MRPS5: variants seen among roughly 807,000 people sequenced by gnomAD.
MRPS5 encodes mitochondrial ribosomal protein S5.
In MRPS5, 27 loss-of-function variants were observed where a neutral mutation model predicts 51.9. The ratio of observed to expected loss-of-function variants is 0.52; its 90% CI spans 0.38 to 0.72. The LOEUF (loss-of-function observed/expected upper bound fraction) is 0.72, where lower values mean the gene tolerates loss of function less well. MRPS5 is among the 30% of genes least tolerant of loss of function. The pLI, the probability that MRPS5 is intolerant of heterozygous loss-of-function variation, is 0.00. For missense variants in MRPS5, 570 were observed against 545.7 expected, an observed-to-expected ratio of 1.04 and a Z score of -0.44; for synonymous variants, 196 against 193.2, an observed-to-expected ratio of 1.01 and a Z score of -0.12.
chr2:95,105,843 A>T lies in MRPS5; in HGVS notation c.672+580T>A, dbSNP rs558114229. Among the ~76,000 whole-genome samples, 3 of 152,364 alleles carry T rather than the reference A, an allele frequency of 2.0e-5. No individual in the cohort carries two copies. The East Asian group carries it at 5.8e-4, about 29-fold the overall frequency. ...CATACATTCAGAGGCTCAATCACAA[A>T]CTCAATAAATGGTTATTCCACATGG... On this transcript the variant is annotated intron_variant, in intron 6 of 11. Coordinates refer to ENST00000272418, the MANE Select transcript of MRPS5 (RefSeq NM_031902.5).
At chr2:95,097,896 T>C (rs1675675082) in intron 10 of MRPS5, among the ~76,000 whole-genome samples, 1 of 152,074 alleles carries the variant, frequency 6.6e-6, no homozygotes, top group African/African-American at 2.4e-5. Context: ...GAAACTACCA[T>C]CAGAGTGAAC....
intron 6 of MRPS5, 49 bp downstream of exon 6, chr2:95,106,373 AC>A (rs1457921387): frequency 5.9e-6 from 3 of 508,700 alleles, no homozygotes; most frequent in Admixed American, 4.8e-5. Context: ...TGCCCCACCC[AC>A]CCCAACCTCT....
intron 4 of MRPS5, among the ~76,000 whole-genome samples, chr2:95,108,861 ATAATC>A (rs1676032554): frequency 6.6e-6 from 1 of 152,200 alleles, no homozygotes; most frequent in South Asian, 2.1e-4. Flanking sequence ...ACCATGTGAT[ATAATC>A]TAAATTTTTT....
chr2:95,094,410 G>C (rs1308813725), intron 10 of MRPS5, among the ~76,000 whole-genome samples: 1 of 152,130 alleles, frequency 6.6e-6, no homozygotes, highest in Non-Finnish European at 1.5e-5. Flanking sequence ...CTTGAGAAGA[G>C]CAACCCCAAG....
Position 95,108,370 on chromosome 2 carries a change from G to C in MRPS5, c.442C>G (p.Leu148Val). The C allele has an allele frequency of 1.2e-6, 2 of 1,614,124 alleles. No homozygotes were observed. Among genetic ancestry groups the C allele is most frequent in the Non-Finnish European group, 1.7e-6 (2 of 1,180,026 alleles). The change falls in exon 5 of 12, where the codon CTT (leucine) becomes GTT (valine). Residue 148 changes from leucine to valine, a missense_variant. Physicochemically the swap from Leu to Val is conservative, Grantham distance 32. Transcript: ENST00000272418. ...GFLWPGLNVP[L>V]MKNGAVQTIA... ...GTCTGCACTGCTCCATTTTTCATAA[G>C]AGGGACATTCAGTCCGGGCCATAGA...
intron 5 of MRPS5, 24 bp downstream of exon 5, chr2:95,108,151 C>T: frequency 6.2e-7 from 1 of 1,603,130 alleles, no homozygotes; most frequent in Non-Finnish European, 8.5e-7. Flanking sequence ...GTCACAAAGG[C>T]AAACAAAACC....
At chr2:95,121,558 G>A (rs1307875880) in intron 1 of MRPS5, among the ~76,000 whole-genome samples, 176 bp downstream of exon 1, 5 of 152,352 alleles carry the variant, frequency 3.3e-5, no homozygotes, top group Admixed American at 6.5e-5. Flanking sequence ...GCGACCCAGA[G>A]AGGGAGAGGA....
At chr2:95,102,448 G>A (rs1460864326) in intron 7 of MRPS5, among the ~76,000 whole-genome samples, 4 of 152,174 alleles carry the variant, frequency 2.6e-5, no homozygotes, top group African/African-American at 9.7e-5. Context: ...CAGATTGCTT[G>A]AGCTCGAGTT....
chr2:95,104,791 A>G, intron 6 of MRPS5, 61 bp from the exon 7 acceptor site: 1 of 1,500,874 alleles, frequency 6.7e-7, no homozygotes. Flanking sequence ...AGGGAACTGG[A>G]GGGAGCCGCC....
chr2:95,109,343 T>C (rs146473795), intron 4 of MRPS5, among the ~76,000 whole-genome samples: 21 of 152,332 alleles, frequency 1.4e-4, no homozygotes, highest in East Asian at 1.3e-3. Flanking sequence ...GACGGGCTGA[T>C]TGAAGTACAC....
At chr2:95,089,916 A>G (rs3112991) in intron 11 of MRPS5, among the ~76,000 whole-genome samples, 121,716 of 151,970 alleles carry the variant, frequency 0.8, 49,032 homozygotes, top group African/African-American at 0.87. Flanking sequence ...GGTGGCTCAC[A>G]CCTGTAATCC....
intron 10 of MRPS5, among the ~76,000 whole-genome samples, chr2:95,095,079 C>T (rs1158388145): frequency 1.3e-5 from 2 of 152,150 alleles, no homozygotes; most frequent in African/African-American, 4.8e-5. Flanking sequence ...GGTTACAATC[C>T]TAGTCTCTGA....
At position 95,117,946 on chromosome 2, in the gene MRPS5, C is replaced by A. The variant is rs1676334680; in HGVS notation, c.59-1G>T. ...GAACACTGCCTCCCCAATAAATGAC[C>A]TGCAAATTGGAAAAAAAAAAATTTA... On this transcript the variant is annotated splice_acceptor_variant, in intron 1 of 11. Transcript: ENST00000272418. LOFTEE classifies it high-confidence loss of function. 3 of 1,589,114 alleles carry A rather than the reference C, an allele frequency of 1.9e-6. No individual in the cohort carries two copies. Among genetic ancestry groups the A allele is most frequent in the East Asian group, 2.2e-5 (1 of 44,584 alleles).
intron 10 of MRPS5, 125 bp downstream of exon 10, chr2:95,100,349 A>G (rs1411616866): frequency 7.5e-6 from 5 of 667,566 alleles, no homozygotes; most frequent in Non-Finnish European, 1.3e-5. Flanking sequence ...ATCTAACATA[A>G]GCCTTTTACA....
intron 10 of MRPS5, among the ~76,000 whole-genome samples, chr2:95,097,664 G>A (rs1675667350): frequency 6.6e-6 from 1 of 152,202 alleles, no homozygotes; most frequent in African/African-American, 2.4e-5. Context: ...AGTGAAACTG[G>A]ATCCCTTCCT....
intron 2 of MRPS5, among the ~76,000 whole-genome samples, chr2:95,115,520 C>T (rs1390306762): frequency 6.6e-6 from 1 of 152,142 alleles, no homozygotes; most frequent in Non-Finnish European, 1.5e-5. Flanking sequence ...GCAATTGGCG[C>T]CCTCTGCTGT....
At chr2:95,121,836 G>T, upstream of MRPS5, 1 of 1,502,508 alleles carries the variant, frequency 6.7e-7, no homozygotes, top group Non-Finnish European at 8.8e-7. Flanking sequence ...GGGCAGCCTT[G>T]CCCACCGCCT....
At chr2:95,100,440 T>C in intron 10 of MRPS5, 34 bp downstream of exon 10, 2 of 1,490,754 alleles carry the variant, frequency 1.3e-6, no homozygotes, top group Non-Finnish European at 1.9e-6. Context: ...TTCTCTGCTT[T>C]ATCATCAACA....
intron 10 of MRPS5, among the ~76,000 whole-genome samples, chr2:95,095,421 C>T (rs1437826268): frequency 1.3e-5 from 2 of 152,210 alleles, no homozygotes; most frequent in Non-Finnish European, 2.9e-5. Flanking sequence ...AGCACCACAT[C>T]GCACTTATTC....
Sources: gnomAD v4.1 joint callset for allele counts (sites outside exome capture counted in the v4.1 genomes callset) on GRCh38, gnomAD v4.1.1 for gene constraint, MANE v1.5 for transcripts, NCBI Gene and HGNC (gene_info 2026-07-23, HGNC 2026-07-21) for gene names.